The following TMCC1 variants were observed in gnomAD, a reference collection of about 807,000 sequenced individuals.
TMCC1 encodes transmembrane and coiled-coil domains protein 1.
In TMCC1, 15 loss-of-function variants were observed where a neutral mutation model predicts 52.4. The observed-to-expected ratio is 0.29, with a 90% CI of 0.19 to 0.44. The LOEUF (loss-of-function observed/expected upper bound fraction) is 0.44, where lower values mean the gene tolerates loss of function less well. TMCC1 is among the 20% of genes least tolerant of loss of function. The pLI, the probability that TMCC1 is intolerant of heterozygous loss-of-function variation, is 1.00. For missense variants in TMCC1, 503 were observed against 806.0 expected, an observed-to-expected ratio of 0.62 and a Z score of 4.55; for synonymous variants, 279 against 301.9, an observed-to-expected ratio of 0.92 and a Z score of 0.79.
intron 4 of TMCC1, among the ~76,000 whole-genome samples, chr3:129,729,003 T>C (rs757119754): frequency 1.3e-5 from 2 of 152,184 alleles, no homozygotes; most frequent in Non-Finnish European, 2.9e-5. Flanking sequence ...TTTTTAGCAA[T>C]TGTGAGTAGA....
intron 4 of TMCC1, among the ~76,000 whole-genome samples, chr3:129,801,918 A>G (rs2057220467): frequency 6.6e-6 from 1 of 152,202 alleles, no homozygotes; most frequent in Non-Finnish European, 1.5e-5. Flanking sequence ...GTTCTTGTAC[A>G]TTTATATGTT....
Position 129,766,100 on chromosome 3 carries a change from C to CTGATTACTTGAAA in TMCC1, c.576+61690_576+61702dup, listed in dbSNP as rs879602471. On this transcript the variant is annotated intron_variant, in intron 4 of 6. Coordinates refer to ENST00000393238, the MANE Select transcript of TMCC1 (RefSeq NM_001017395.5). Reference sequence around the variant, plus strand: ...GGTTGAAACCTAAAGATGGGTTGTGCTGATTACTTGAAATAAGGAGCAAAG... The same window carrying CTGATTACTTGAAA: ...GGTTGAAACCTAAAGATGGGTTGTGCTGATTACTTGAAATGATTACTTGAAATAAGGAGCAAAG... 1.1e-4 allele frequency among the ~76,000 whole-genome samples: 16 copies of CTGATTACTTGAAA among 152,304 alleles called. No individual in the cohort carries two copies. In the East Asian group the frequency reaches 3.1e-3, roughly 29 times the overall value.
At chr3:129,843,692 ATACC>A (rs200589539) in intron 2 of TMCC1, among the ~76,000 whole-genome samples, 3,014 of 152,228 alleles carry the variant, frequency 0.02, 41 homozygotes, top group South Asian at 0.037. Flanking sequence ...GGAAAAACAG[ATACC>A]TAAATAACTC....
intron 4 of TMCC1, among the ~76,000 whole-genome samples, chr3:129,706,671 T>C (rs988440024): frequency 6.6e-6 from 1 of 152,134 alleles, no homozygotes; most frequent in Non-Finnish European, 1.5e-5. Context: ...CTTTTAGAAG[T>C]GAAATTAGGA....
chr3:129,714,940 G>A (rs1208499281), intron 4 of TMCC1, among the ~76,000 whole-genome samples: 1 of 152,152 alleles, frequency 6.6e-6, no homozygotes, highest in Non-Finnish European at 1.5e-5. Flanking sequence ...GGCTTACAGA[G>A]CTCAAAATTT....
intron 4 of TMCC1, among the ~76,000 whole-genome samples, chr3:129,712,567 C>G (rs1171429162): frequency 1.3e-5 from 2 of 152,134 alleles, no homozygotes; most frequent in Non-Finnish European, 2.9e-5. Context: ...CCCACCTCAG[C>G]CTCCCGAGGA....
intron 4 of TMCC1, among the ~76,000 whole-genome samples, chr3:129,786,203 G>A (rs2056019525): frequency 6.6e-6 from 1 of 152,096 alleles, no homozygotes; most frequent in Non-Finnish European, 1.5e-5. Context: ...GCCTCCCAAA[G>A]TGCTGGGATT....
intron 4 of TMCC1, among the ~76,000 whole-genome samples, chr3:129,680,725 AC>A (rs1183975569): frequency 6.6e-6 from 1 of 152,100 alleles, no homozygotes; most frequent in African/African-American, 2.4e-5. Context: ...ACATGGCGAA[AC>A]CCTGTCTCTA....
intron 2 of TMCC1, among the ~76,000 whole-genome samples, chr3:129,864,236 T>G (rs1287044668): frequency 6.6e-6 from 1 of 152,174 alleles, no homozygotes; most frequent in Non-Finnish European, 1.5e-5. Context: ...GTCATAAAAT[T>G]TTAAAGTTGG....
At chr3:129,684,914 T>C (rs2089293781) in intron 4 of TMCC1, among the ~76,000 whole-genome samples, 1 of 152,212 alleles carries the variant, frequency 6.6e-6, no homozygotes, top group Non-Finnish European at 1.5e-5. Context: ...AATTATTTTT[T>C]CTTTATGTAA....
intron 4 of TMCC1, among the ~76,000 whole-genome samples, chr3:129,725,199 C>A (rs368666823): frequency 1.3e-5 from 2 of 152,234 alleles, no homozygotes; most frequent in African/African-American, 2.4e-5. Context: ...CCGCAACCTC[C>A]GCCTCCTGGG....
chr3:129,801,898 T>A (rs1305296465), intron 4 of TMCC1, among the ~76,000 whole-genome samples: 1 of 152,220 alleles, frequency 6.6e-6, no homozygotes, highest in Non-Finnish European at 1.5e-5. Flanking sequence ...ATTGATCATG[T>A]ACAGTGACAG....
intron 4 of TMCC1, among the ~76,000 whole-genome samples, chr3:129,687,384 A>G (rs960650561): frequency 6.6e-6 from 1 of 152,236 alleles, no homozygotes; most frequent in Non-Finnish European, 1.5e-5. Context: ...CATTTCTCTA[A>G]TTTGTAATAA....
intron 4 of TMCC1, among the ~76,000 whole-genome samples, chr3:129,792,244 T>C (rs2056525220): frequency 6.6e-6 from 1 of 151,390 alleles, no homozygotes; most frequent in African/African-American, 2.4e-5. Flanking sequence ...ATTTTGAGTG[T>C]TCAATATGTG....
At chr3:129,666,393 A>G (rs544048646) in intron 5 of TMCC1, among the ~76,000 whole-genome samples, 1 of 152,330 alleles carries the variant, frequency 6.6e-6, no homozygotes, top group Non-Finnish European at 1.5e-5. Flanking sequence ...TTGTAAAAGA[A>G]GGCAGAGAAA....
chr3:129,666,737 T>A (rs947774398), intron 5 of TMCC1, among the ~76,000 whole-genome samples: 1 of 150,572 alleles, frequency 6.6e-6, no homozygotes, highest in Non-Finnish European at 1.5e-5. Flanking sequence ...TGAAACTCTG[T>A]CTCCAAAAAC....
At chr3:129,694,319 T>G (rs182405131) in intron 4 of TMCC1, among the ~76,000 whole-genome samples, 1 of 152,260 alleles carries the variant, frequency 6.6e-6, no homozygotes, top group Non-Finnish European at 1.5e-5. Context: ...TTTGCAAAGA[T>G]AGTTCAAGGA....
At chr3:129,796,759 T>C (rs184394006) in intron 4 of TMCC1, among the ~76,000 whole-genome samples, 22 of 152,336 alleles carry the variant, frequency 1.4e-4, no homozygotes, top group Non-Finnish European at 2.4e-4. Context: ...CAGGATTGCC[T>C]GAGTTCAGGA....
chr3:129,692,114 T>C (rs898540309), intron 4 of TMCC1, among the ~76,000 whole-genome samples: 1 of 152,228 alleles, frequency 6.6e-6, no homozygotes, highest in Non-Finnish European at 1.5e-5. Context: ...TATAATACTA[T>C]ATACAGTTTA....
Sources: gnomAD v4.1 joint callset for allele counts (sites outside exome capture counted in the v4.1 genomes callset) on GRCh38, gnomAD v4.1.1 for gene constraint, MANE v1.5 for transcripts, NCBI Gene and HGNC (gene_info 2026-07-23, HGNC 2026-07-21) for gene names.